The following ZNF423 variants were observed in gnomAD, a reference collection of about 807,000 sequenced individuals.
ZNF423 encodes the protein zinc finger protein 423.
ZNF423 carries 12 observed loss-of-function variants against 95.8 expected under a neutral mutation model. That is an observed-to-expected ratio of 0.13 (90% CI 0.08 to 0.20). The LOEUF (loss-of-function observed/expected upper bound fraction) is 0.20, where lower values mean the gene tolerates loss of function less well. ZNF423 is among the 10% of genes least tolerant of loss of function. The pLI, the probability that ZNF423 is intolerant of heterozygous loss-of-function variation, is 1.00. For synonymous variants in ZNF423, 749 were observed against 711.9 expected, an observed-to-expected ratio of 1.05 and a Z score of -0.83; for missense variants, 1,316 against 1,737.1, an observed-to-expected ratio of 0.76 and a Z score of 4.31.
intron 2 of ZNF423, among the ~76,000 whole-genome samples, chr16:49,773,967 T>C (rs2034078502): frequency 2.0e-5 from 3 of 152,112 alleles, no homozygotes; most frequent in Admixed American, 2.0e-4. Flanking sequence ...TGCAAGAGCA[T>C]GCAAGGAATG....
At chr16:49,553,932 A>C (rs1969732075) in intron 5 of ZNF423, among the ~76,000 whole-genome samples, 1 of 152,160 alleles carries the variant, frequency 6.6e-6, no homozygotes, top group Non-Finnish European at 1.5e-5. Context: ...AACCAAACAA[A>C]TTTGCCAAGT....
chr16:49,670,204 G>A (rs1480230200), intron 3 of ZNF423, among the ~76,000 whole-genome samples: 8 of 152,214 alleles, frequency 5.3e-5, no homozygotes, highest in Non-Finnish European at 1.0e-4. Context: ...CAGACAACAT[G>A]GGTCTCTGGG....
Position 49,740,166 on chromosome 16 carries a change from G to A in ZNF423, c.101-9195C>T, listed in dbSNP as rs145388296. Among the ~76,000 whole-genome samples the A allele has an allele frequency of 2.9e-3, 445 of 152,058 alleles. 5 individuals are homozygous for A. Among genetic ancestry groups the A allele is most frequent in the Admixed American group, 0.025 (380 of 15,268 alleles). Reference sequence around the variant, plus strand: ...CAGAAGTGAGCCACTGTACCCCGCCGACATTTCTTTTTCATTAAAAAAAAT... The same window carrying A: ...CAGAAGTGAGCCACTGTACCCCGCCAACATTTCTTTTTCATTAAAAAAAAT... On this transcript the variant is annotated intron_variant, in intron 2 of 7. Transcript: ENST00000563137.
intron 2 of ZNF423, among the ~76,000 whole-genome samples, chr16:49,732,860 C>T (rs2033200713): frequency 6.6e-6 from 1 of 152,200 alleles, no homozygotes; most frequent in African/African-American, 2.4e-5. Context: ...CCTTCCAAGG[C>T]GGGGAACGTT....
At chr16:49,784,626 G>A (rs1410418043) in intron 2 of ZNF423, among the ~76,000 whole-genome samples, 1 of 152,288 alleles carries the variant, frequency 6.6e-6, no homozygotes, top group South Asian at 2.1e-4. Flanking sequence ...CCACTGACAG[G>A]ATGTCCAGAA....
chr16:49,773,509 G>T (rs530452272), intron 2 of ZNF423, among the ~76,000 whole-genome samples: 1 of 152,184 alleles, frequency 6.6e-6, no homozygotes, highest in African/African-American at 2.4e-5. Flanking sequence ...TAACCACATC[G>T]CAGGTTCCCT....
chr16:49,825,261 T>C (rs2034992680), intron 1 of ZNF423, among the ~76,000 whole-genome samples: 1 of 152,156 alleles, frequency 6.6e-6, no homozygotes, highest in African/African-American at 2.4e-5. Flanking sequence ...TTAAAAAATC[T>C]GGTGTTGATG....
At chr16:49,655,085 C>A (rs1973555144) in intron 3 of ZNF423, among the ~76,000 whole-genome samples, 1 of 152,198 alleles carries the variant, frequency 6.6e-6, no homozygotes, top group African/African-American at 2.4e-5. Flanking sequence ...TAGAGATATG[C>A]AAATGACTAA....
At chr16:49,552,477 G>A (rs543618401) in intron 5 of ZNF423, among the ~76,000 whole-genome samples, 45 of 152,290 alleles carry the variant, frequency 3.0e-4, no homozygotes, top group Non-Finnish European at 3.5e-4. Flanking sequence ...CCCCAAGGAT[G>A]TGCTGACGCC....
chr16:49,703,475 G>T (rs1030703649), intron 3 of ZNF423, among the ~76,000 whole-genome samples: 9 of 152,214 alleles, frequency 5.9e-5, no homozygotes, highest in African/African-American at 2.2e-4. Flanking sequence ...ATTTACTCTG[G>T]ATCTGGGACC....
At chr16:49,641,589 T>C (rs1972978480) in intron 3 of ZNF423, among the ~76,000 whole-genome samples, 1 of 152,146 alleles carries the variant, frequency 6.6e-6, no homozygotes, top group Admixed American at 6.5e-5. Context: ...GTTCATTTGC[T>C]CCTAAACCTT....
At chr16:49,549,527 T>G (rs1969560148) in intron 5 of ZNF423, among the ~76,000 whole-genome samples, 1 of 152,100 alleles carries the variant, frequency 6.6e-6, no homozygotes, top group Admixed American at 6.5e-5. Context: ...TCTCCTCTCC[T>G]CCAGAGGTTG....
intron 3 of ZNF423, among the ~76,000 whole-genome samples, chr16:49,697,183 C>T (rs901972482): frequency 6.6e-6 from 1 of 152,112 alleles, no homozygotes; most frequent in African/African-American, 2.4e-5. Flanking sequence ...GACAAGTGGT[C>T]AGAATAAGTC....
At chr16:49,794,896 A>G (rs2143857484) in intron 1 of ZNF423, among the ~76,000 whole-genome samples, 1 of 152,330 alleles carries the variant, frequency 6.6e-6, no homozygotes, top group Non-Finnish European at 1.5e-5. Flanking sequence ...TTATTTTTGG[A>G]AACAGAGTCT....
intron 1 of ZNF423, among the ~76,000 whole-genome samples, chr16:49,833,658 G>A (rs1363405399): frequency 6.7e-6 from 1 of 148,800 alleles, no homozygotes; most frequent in Admixed American, 6.7e-5. Context: ...CCCAGAAGAC[G>A]GACAGATGTC....
intron 3 of ZNF423, among the ~76,000 whole-genome samples, chr16:49,674,681 G>A (rs1261136855): frequency 6.6e-6 from 1 of 152,212 alleles, no homozygotes; most frequent in Non-Finnish European, 1.5e-5. Flanking sequence ...CCGAGAGGCA[G>A]CCACGCAGTG....
At chr16:49,598,287 T>C (rs1035878232) in intron 5 of ZNF423, among the ~76,000 whole-genome samples, 2 of 152,234 alleles carry the variant, frequency 1.3e-5, no homozygotes, top group African/African-American at 4.8e-5. Context: ...CATTTCCTCA[T>C]CTGTCACATG....
intron 7 of ZNF423, among the ~76,000 whole-genome samples, chr16:49,498,701 C>A (rs1413231275): frequency 3.3e-5 from 5 of 152,220 alleles, no homozygotes; most frequent in African/African-American, 1.2e-4. Context: ...CACTTTACTT[C>A]TTTCCCTTTG....
At chr16:49,619,405 G>A (rs1156749209) in intron 5 of ZNF423, among the ~76,000 whole-genome samples, 2 of 152,086 alleles carry the variant, frequency 1.3e-5, no homozygotes, top group Admixed American at 1.3e-4. Flanking sequence ...TCAAGAAAAT[G>A]AGAAATTTTC....
Sources: allele counts gnomAD v4.1 joint callset (sites outside exome capture counted in the v4.1 genomes callset), GRCh38; gene constraint gnomAD v4.1.1; transcripts MANE v1.5; gene names NCBI Gene and HGNC (gene_info 2026-07-23, HGNC 2026-07-21).